TCF4: variants seen among roughly 807,000 people sequenced by gnomAD.
TCF4 encodes SL3-3 enhancer factor 2.
A neutral mutation model predicts 82.1 loss-of-function variants in TCF4; 3 were observed. The ratio of observed to expected loss-of-function variants is 0.04; its 90% CI spans 0.02 to 0.09. The LOEUF is 0.09. Ranked by LOEUF, TCF4 falls within the 10% of genes least tolerant of loss-of-function variation. The probability of loss-of-function intolerance (pLI) is 1.00; values close to 1 mark genes in which losing one functional copy is unlikely to be tolerated. For synonymous variants in TCF4, 276 were observed against 309.6 expected (o/e 0.89, Z 1.14); for missense variants, 518 against 852.7 (o/e 0.61, Z 4.89).
Position 55,361,874 on chromosome 18 carries a change from T to C in TCF4, c.370-10871A>G, listed in dbSNP as rs571790741. On this transcript the variant is annotated intron_variant, in intron 6 of 19. Coordinates refer to ENST00000354452, the MANE Select transcript of TCF4 (RefSeq NM_001083962.2). Reference sequence around the variant, plus strand: ...CCCCTCAAGGAGGGGATTCTACTAATACTGCTTTACAAATAAGGTGGGCTG... The same window carrying C: ...CCCCTCAAGGAGGGGATTCTACTAACACTGCTTTACAAATAAGGTGGGCTG... Among the ~76,000 whole-genome samples, 12 of 152,352 alleles carry C rather than the reference T, an allele frequency of 7.9e-5. No individual in the cohort carries two copies. In the East Asian group the frequency reaches 2.3e-3, roughly 29 times the overall value.
At chr18:55,261,375 A>T (rs2058053750) in intron 12 of TCF4, 91 bp downstream of exon 12, 4 of 1,478,668 alleles carry the variant, frequency 2.7e-6, no homozygotes. Flanking sequence ...GCTATTTGCC[A>T]TTCATTTTCT....
intron 3 of TCF4, among the ~76,000 whole-genome samples, chr18:55,480,839 C>CA (rs2096411346): frequency 6.6e-6 from 1 of 152,176 alleles, no homozygotes; most frequent in African/African-American, 2.4e-5. Context: ...TGCAGTGGCT[C>CA]ACGCCTGTAA....
rs539953306 is a variant in TCF4, at chr18:55,391,262, G to C, written c.369+12192C>G. On this transcript the variant is annotated intron_variant, in intron 6 of 19. Transcript: ENST00000354452. The stretch of plus-strand genomic sequence containing the variant: ...TTCCACAGGAGTGAACCACATCCCA[G>C]GGATGGGACTTCAAAGCAGTGGCAG... Among the ~76,000 whole-genome samples the C allele has an allele frequency of 1.7e-4, 26 of 152,304 alleles. 1 individual carries two copies. The highest frequency in any genetic ancestry group is 1.3e-3 in the East Asian group (7 of 5,190).
At chr18:55,623,648 AT>A (rs1023178822) in intron 2 of TCF4, among the ~76,000 whole-genome samples, 3 of 151,322 alleles carry the variant, frequency 2.0e-5, no homozygotes, top group African/African-American at 2.4e-5. Context: ...GTGGATCGAT[AT>A]TTTTTTTTGA....
At chr18:55,588,805 C>T (rs2097676261), upstream of TCF4, among the ~76,000 whole-genome samples, 1 of 151,764 alleles carries the variant, frequency 6.6e-6, no homozygotes, top group African/African-American at 2.4e-5. Context: ...TTTCCCCTCC[C>T]TTTTAAGTCA....
intron 6 of TCF4, among the ~76,000 whole-genome samples, chr18:55,369,138 T>A (rs1022782286): frequency 2.6e-5 from 4 of 152,210 alleles, no homozygotes; most frequent in African/African-American, 9.6e-5. Flanking sequence ...CATCTTATAA[T>A]ACTCTATTTT....
intron 10 of TCF4, among the ~76,000 whole-genome samples, chr18:55,275,400 TA>T (rs1476928979): frequency 6.8e-6 from 1 of 147,838 alleles, no homozygotes; most frequent in African/African-American, 2.5e-5. Context: ...CAAAACACAA[TA>T]AACAAAAGAA....
intron 5 of TCF4, among the ~76,000 whole-genome samples, chr18:55,446,113 G>A (rs995810386): frequency 6.6e-6 from 1 of 152,116 alleles, no homozygotes; most frequent in African/African-American, 2.4e-5. Context: ...AAGGATAAAT[G>A]TTACCCTAAC....
rs1569192843 is a variant in TCF4 at position 55,362,438 on chromosome 18, A to AGG, written c.370-11436_370-11435insCC. Among the ~76,000 whole-genome samples, 200 of 124,424 alleles carry AGG rather than the reference A, an allele frequency of 1.6e-3. 4 individuals carry two copies. Among genetic ancestry groups the AGG allele is most frequent in the African/African-American group, 4.0e-3 (114 of 28,408 alleles). 81.6% of individuals were successfully genotyped at this position (124,424 alleles called of 152,430 possible). ...GGAAGGAAGGAAGGAAGGAAGGAAAAAAAAAAAGAAGAAAACATGTATCTG... is the reference window on the plus strand; with the variant it reads ...GGAAGGAAGGAAGGAAGGAAGGAAAAGGAAAAAAAGAAGAAAACATGTATCTG... On this transcript the variant is annotated intron_variant, in intron 6 of 19. Coordinates refer to ENST00000354452, the MANE Select transcript of TCF4 (RefSeq NM_001083962.2).
intron 3 of TCF4, among the ~76,000 whole-genome samples, chr18:55,555,443 C>A (rs1307474198): frequency 6.6e-6 from 1 of 152,046 alleles, no homozygotes; most frequent in Non-Finnish European, 1.5e-5. Flanking sequence ...GGGGTCGAAA[C>A]CATAAAATGG....
chr18:55,564,590 G>A (rs906482899), intron 3 of TCF4, among the ~76,000 whole-genome samples: 1 of 152,166 alleles, frequency 6.6e-6, no homozygotes, highest in African/African-American at 2.4e-5. Context: ...TCATCTAGGT[G>A]CATGGCAGTG....
At chr18:55,485,940 C>T (rs2096508268) in intron 3 of TCF4, among the ~76,000 whole-genome samples, 1 of 152,166 alleles carries the variant, frequency 6.6e-6, no homozygotes, top group African/African-American at 2.4e-5. Flanking sequence ...TGAGGCAAAC[C>T]ATCTTTAAGT....
intron 8 of TCF4, among the ~76,000 whole-genome samples, chr18:55,296,336 T>A (rs1002115055): frequency 6.6e-6 from 1 of 152,152 alleles, no homozygotes; most frequent in Non-Finnish European, 1.5e-5. Flanking sequence ...CTCCTGTACT[T>A]AAAGCCAGAT....
chr18:55,601,900 G>A (rs1474123861), intron 2 of TCF4, among the ~76,000 whole-genome samples: 1 of 152,202 alleles, frequency 6.6e-6, no homozygotes, highest in African/African-American at 2.4e-5. Context: ...CTTCCTCACT[G>A]TGCAACTTAT....
intron 6 of TCF4, among the ~76,000 whole-genome samples, chr18:55,390,693 T>C (rs923419490): frequency 3.2e-4 from 48 of 152,228 alleles, no homozygotes; most frequent in Non-Finnish European, 6.8e-4. Flanking sequence ...TATAAAATTT[T>C]AGAGGCTAGT....
chr18:55,233,707 C>T (rs1052758507), intron 16 of TCF4, among the ~76,000 whole-genome samples: 2 of 151,396 alleles, frequency 1.3e-5, no homozygotes, highest in Non-Finnish European at 2.9e-5. Flanking sequence ...TCCTAGCTAC[C>T]CCCTGGGAGG....
At chr18:55,626,563 C>T (rs753779742) in intron 2 of TCF4, among the ~76,000 whole-genome samples, 4 of 152,132 alleles carry the variant, frequency 2.6e-5, no homozygotes, top group Non-Finnish European at 4.4e-5. Flanking sequence ...GTGTATGAAA[C>T]TTCAGGAAAG....
At chr18:55,320,409 A>G (rs907655011) in intron 8 of TCF4, among the ~76,000 whole-genome samples, 12 of 152,252 alleles carry the variant, frequency 7.9e-5, no homozygotes, top group African/African-American at 2.7e-4. Context: ...AAAGTAAACG[A>G]TATTATTTCA....
chr18:55,455,509 C>A (rs2095728564), intron 5 of TCF4, among the ~76,000 whole-genome samples: 1 of 141,150 alleles, frequency 7.1e-6, no homozygotes, highest in South Asian at 2.3e-4. Context: ...GAGATAACAT[C>A]AAGCTGAAAG....
Sources: allele counts gnomAD v4.1 joint callset (sites outside exome capture counted in the v4.1 genomes callset), GRCh38; gene constraint gnomAD v4.1.1; transcripts MANE v1.5; gene names NCBI Gene and HGNC (gene_info 2026-07-23, HGNC 2026-07-21).